The following SGK1 variants were observed in gnomAD, a reference collection of about 807,000 sequenced individuals.
The protein encoded by SGK1 is serine/threonine-protein kinase Sgk1.
A neutral mutation model predicts 64.2 loss-of-function variants in SGK1; 26 were observed. That is an observed-to-expected ratio of 0.40 (90% CI 0.30 to 0.56). The LOEUF is 0.56. SGK1 is among the 20% of genes least tolerant of loss of function. SGK1 has a pLI of 0.38. For missense variants in SGK1, 519 were observed against 645.6 expected (o/e 0.80, Z 2.12); for synonymous variants, 265 against 239.7 (o/e 1.11, Z -0.98).
At chr6:134,229,276 G>T (rs1171752675) in intron 2 of SGK1, among the ~76,000 whole-genome samples, 4 of 152,134 alleles carry the variant, frequency 2.6e-5, no homozygotes, top group Non-Finnish European at 4.4e-5. Context: ...TTCCCTTCCC[G>T]TTAAACTTAA....
chr6:134,260,790 T>C (rs533899262), intron 2 of SGK1: 2 of 151,650 alleles, frequency 1.3e-5, no homozygotes, highest in South Asian at 4.2e-4. Context: ...AGCAGCTAAA[T>C]GATTATTTTA....
At chr6:134,175,904 GA>G (rs1431176991) in intron 3 of SGK1, 8 of 1,075,354 alleles carry the variant, frequency 7.4e-6, no homozygotes, top group Non-Finnish European at 8.0e-6. Flanking sequence ...AAGAAAGAGG[GA>G]AAAGGGGGAG....
At chr6:134,309,489 G>A (rs963955735) in intron 1 of SGK1, among the ~76,000 whole-genome samples, 2 of 152,158 alleles carry the variant, frequency 1.3e-5, no homozygotes, top group Non-Finnish European at 1.5e-5. Context: ...GGGTAAGCCT[G>A]CTCTTAGACC....
chr6:134,175,372 C>G (rs1775198710), intron 3 of SGK1, among the ~76,000 whole-genome samples: 1 of 152,098 alleles, frequency 6.6e-6, no homozygotes, highest in Non-Finnish European at 1.5e-5. Flanking sequence ...GCGCCACCCT[C>G]CGGGGTTTAT....
intron 1 of SGK1, among the ~76,000 whole-genome samples, chr6:134,288,877 C>G (rs1777222926): frequency 6.6e-6 from 1 of 152,200 alleles, no homozygotes; most frequent in Admixed American, 6.5e-5. Flanking sequence ...TATTCCATCA[C>G]TCATAAAGCA....
intron 1 of SGK1, among the ~76,000 whole-genome samples, chr6:134,276,501 A>C (rs746475955): frequency 3.3e-5 from 5 of 152,232 alleles, no homozygotes; most frequent in Admixed American, 6.5e-5. Flanking sequence ...TGGGTCAGAC[A>C]TCAAATGACT....
At chr6:134,298,640 G>T in intron 1 of SGK1, 1 of 1,328,138 alleles carries the variant, frequency 7.5e-7, no homozygotes, top group Non-Finnish European at 1.1e-6. Flanking sequence ...GGCTGCTGAA[G>T]GCCCGGGGGC....
intron 3 of SGK1, among the ~76,000 whole-genome samples, chr6:134,176,858 G>A (rs1174605679): frequency 6.6e-6 from 1 of 152,160 alleles, no homozygotes; most frequent in African/African-American, 2.4e-5. Flanking sequence ...CCGAGAGAAG[G>A]GAAACACATT....
rs545599167 is a variant in SGK1, at chr6:134,279,296, G to T, written c.70-17148C>A. On this transcript the variant is annotated intron_variant, in intron 1 of 13. Coordinates refer to ENST00000367858, the MANE Select transcript of SGK1 (RefSeq NM_001143676.3). ...AAAATACAAAAATTAGCTGGACGTG[G>T]TGGTGCGTGCCTGTAGTTCCAGCTA... is the stretch of plus-strand genomic sequence containing the variant. Among the ~76,000 whole-genome samples, 8 of 152,242 alleles carry T rather than the reference G, an allele frequency of 5.3e-5. No homozygotes were observed. The South Asian group carries it at 1.5e-3, about 28-fold the overall frequency.
chr6:134,280,607 T>C (rs1204893491), intron 1 of SGK1, among the ~76,000 whole-genome samples: 2 of 152,192 alleles, frequency 1.3e-5, no homozygotes, highest in African/African-American at 4.8e-5. Context: ...TGTTCCTCCC[T>C]AGATTGTAAA....
At chr6:134,250,219 A>G (rs1776586897) in intron 2 of SGK1, among the ~76,000 whole-genome samples, 1 of 152,216 alleles carries the variant, frequency 6.6e-6, no homozygotes, top group Non-Finnish European at 1.5e-5. Context: ...GCAAACTAAA[A>G]TGATAGATAG....
At chr6:134,299,634 C>G (rs1464584750) in intron 1 of SGK1, among the ~76,000 whole-genome samples, 1 of 152,034 alleles carries the variant, frequency 6.6e-6, no homozygotes, top group African/African-American at 2.4e-5. Flanking sequence ...AAACTCATAA[C>G]AAGTATGCTC....
At chr6:134,288,519 G>A (rs1777218196) in intron 1 of SGK1, among the ~76,000 whole-genome samples, 1 of 152,186 alleles carries the variant, frequency 6.6e-6, no homozygotes, top group Admixed American at 6.6e-5. Flanking sequence ...GCAAAGAGAT[G>A]TCTTCAACCA....
chr6:134,203,870 C>A (rs1775724627), intron 3 of SGK1, among the ~76,000 whole-genome samples: 2 of 152,010 alleles, frequency 1.3e-5, no homozygotes, highest in Admixed American at 6.6e-5. Context: ...TAGAGACCAG[C>A]CTGAACAACG....
chr6:134,172,209 A>T lies in SGK1; in HGVS notation c.1055T>A (p.Phe352Tyr). The change falls in exon 10 of 14, where the codon TTC (phenylalanine) becomes TAC (tyrosine). Residue 352 changes from phenylalanine (F) to tyrosine (Y), a missense_variant. Transcript: ENST00000367858. ...AGCGCCTACCTCCGGCGTGCCACAG[A>T]AGGTGGATGTTGTGCTGTTGTGTTC... The part of the protein sequence containing the change: ...NIEHNSTTST[F>Y]CGTPEYLAPE... The T allele has an allele frequency of 6.2e-7, 1 of 1,614,120 alleles. No individual in the cohort carries two copies. The highest frequency in any genetic ancestry group is 1.1e-5 in the South Asian group (1 of 91,064).
At chr6:134,224,349 T>A (rs1200526876) in intron 2 of SGK1, among the ~76,000 whole-genome samples, 2 of 152,202 alleles carry the variant, frequency 1.3e-5, no homozygotes, top group African/African-American at 4.8e-5. Flanking sequence ...AACATCTATA[T>A]AACATGTGGA....
At chr6:134,191,319 TC>T (rs1279533489) in intron 3 of SGK1, among the ~76,000 whole-genome samples, 1 of 152,116 alleles carries the variant, frequency 6.6e-6, no homozygotes, top group Non-Finnish European at 1.5e-5. Context: ...ACATCCCCCT[TC>T]CCCCATACAA....
chr6:134,202,150 G>A (rs1050372057), intron 3 of SGK1, among the ~76,000 whole-genome samples: 4 of 152,134 alleles, frequency 2.6e-5, no homozygotes, highest in African/African-American at 9.7e-5. Flanking sequence ...AAACATTGTT[G>A]ACTTCTCATC....
chr6:134,304,101 A>G (rs1344776871), intron 1 of SGK1, among the ~76,000 whole-genome samples: 1 of 152,192 alleles, frequency 6.6e-6, no homozygotes, highest in Non-Finnish European at 1.5e-5. Flanking sequence ...GGAGAGAGAA[A>G]GAGGCCAATA....
Sources: allele counts gnomAD v4.1 joint callset (sites outside exome capture counted in the v4.1 genomes callset), GRCh38; gene constraint gnomAD v4.1.1; transcripts MANE v1.5; gene names NCBI Gene and HGNC (gene_info 2026-07-23, HGNC 2026-07-21).